COL24A1: variants seen among roughly 807,000 people sequenced by gnomAD.
The protein encoded by COL24A1 is collagen type XXIV alpha 1 chain.
Under a neutral mutation model 253.9 loss-of-function variants are expected in COL24A1, and 224 were observed. The observed-to-expected ratio is 0.88, with a 90% CI of 0.79 to 0.99. The LOEUF is 0.99. COL24A1 is among the 50% of genes least tolerant of loss of function. The pLI is 0.00. For missense variants in COL24A1, 2,131 were observed against 2,068.5 expected (o/e 1.03, Z -0.59); for synonymous variants, 685 against 673.7 (o/e 1.02, Z -0.26).
rs539571394 is a variant in COL24A1 at position 85,876,048 on chromosome 1, C to T, written c.3031-718G>A. Among the ~76,000 whole-genome samples, 130 of 152,110 alleles carry T rather than the reference C, an allele frequency of 8.5e-4. 1 individual carries two copies. In the South Asian group the frequency reaches 8.7e-3, roughly 10 times the overall value. On this transcript the variant is annotated intron_variant, in intron 33 of 59. Coordinates refer to ENST00000370571, the MANE Select transcript of COL24A1 (RefSeq NM_152890.7). Reference sequence around the variant, plus strand: ...AGAAATTAAATCATGTAAACCATTACTTATCATGTTAAGAAATTGGCATTT... The same window carrying T: ...AGAAATTAAATCATGTAAACCATTATTTATCATGTTAAGAAATTGGCATTT...
chr1:85,990,205 T>TAA (rs1458013392), intron 19 of COL24A1, among the ~76,000 whole-genome samples: 1 of 152,206 alleles, frequency 6.6e-6, no homozygotes, highest in Non-Finnish European at 1.5e-5. Flanking sequence ...TTCAGCCAAT[T>TAA]TAGAGCATTT....
chr1:85,803,453 CAAACA>C (rs570227421), intron 47 of COL24A1, among the ~76,000 whole-genome samples: 2 of 147,096 alleles, frequency 1.4e-5, no homozygotes, highest in African/African-American at 2.5e-5. Flanking sequence ...AAACCATAAA[CAAACA>C]AAACAAAACA....
chr1:85,786,487 A>T (rs376069817), intron 47 of COL24A1, 26 bp from the exon 48 acceptor site: 16 of 1,593,082 alleles, frequency 1.0e-5, no homozygotes, highest in Non-Finnish European at 1.4e-5. Context: ...AAGAAATGAA[A>T]ACTGGGAAAG....
intron 19 of COL24A1, among the ~76,000 whole-genome samples, chr1:85,988,772 A>G (rs1693964895): frequency 6.6e-6 from 1 of 152,142 alleles, no homozygotes; most frequent in South Asian, 2.1e-4. Flanking sequence ...AAGAAAAACA[A>G]ATAATAAGAA....
At chr1:85,829,233 A>G (rs1425847564) in intron 43 of COL24A1, among the ~76,000 whole-genome samples, 1 of 151,806 alleles carries the variant, frequency 6.6e-6, no homozygotes, top group Non-Finnish European at 1.5e-5. Context: ...CTTTTCTTTA[A>G]GAATGTTGAT....
intron 18 of COL24A1, among the ~76,000 whole-genome samples, chr1:86,019,961 T>C (rs1454688533): frequency 6.6e-6 from 1 of 152,006 alleles, no homozygotes; most frequent in African/African-American, 2.4e-5. Context: ...CTAGGAGGAA[T>C]ATTAGTAAGT....
intron 53 of COL24A1, among the ~76,000 whole-genome samples, chr1:85,766,968 G>A (rs1184090561): frequency 6.6e-6 from 1 of 152,180 alleles, no homozygotes; most frequent in East Asian, 1.9e-4. Context: ...GCCGGGTGTG[G>A]TGATGGGCGC....
chr1:86,020,296 G>C (rs928792890), intron 18 of COL24A1, among the ~76,000 whole-genome samples: 2 of 151,956 alleles, frequency 1.3e-5, no homozygotes, highest in Non-Finnish European at 2.9e-5. Context: ...TCGAACTCCT[G>C]ACCTCGTGAT....
At chr1:85,926,901 C>G (rs1283567802) in intron 24 of COL24A1, among the ~76,000 whole-genome samples, 2 of 151,958 alleles carry the variant, frequency 1.3e-5, no homozygotes, top group South Asian at 2.1e-4. Flanking sequence ...ATAAAAGTTT[C>G]AAGAAGAGAG....
chr1:86,001,381 A>G (rs1055662265), intron 19 of COL24A1, among the ~76,000 whole-genome samples: 2 of 152,216 alleles, frequency 1.3e-5, no homozygotes, highest in Non-Finnish European at 2.9e-5. Flanking sequence ...GTCACTAGCA[A>G]GAAATGGTGG....
intron 5 of COL24A1, among the ~76,000 whole-genome samples, chr1:86,099,689 C>T (rs1210081016): frequency 6.6e-6 from 1 of 151,946 alleles, no homozygotes; most frequent in Admixed American, 6.6e-5. Flanking sequence ...AGATTGTGAC[C>T]ACTTCTCACC....
chr1:86,093,783 A>G (rs1703686446), intron 5 of COL24A1, among the ~76,000 whole-genome samples: 2 of 152,252 alleles, frequency 1.3e-5, no homozygotes. Flanking sequence ...AACTTAAACA[A>G]ATTTACCAGA....
intron 24 of COL24A1, among the ~76,000 whole-genome samples, chr1:85,958,563 G>T (rs1221768139): frequency 6.6e-6 from 1 of 152,028 alleles, no homozygotes; most frequent in East Asian, 1.9e-4. Context: ...TAAGGTGTTG[G>T]ATCACTCTAT....
At chr1:85,778,260 C>T (rs976037912) in intron 52 of COL24A1, among the ~76,000 whole-genome samples, 25 of 152,014 alleles carry the variant, frequency 1.6e-4, no homozygotes, top group African/African-American at 5.1e-4. Context: ...TCTGCCACTA[C>T]GCCAGGCTCA....
intron 20 of COL24A1, among the ~76,000 whole-genome samples, chr1:85,972,459 A>T (rs555126837): frequency 8.5e-4 from 129 of 152,300 alleles, no homozygotes; most frequent in African/African-American, 3.0e-3. Context: ...CATTCAAGAA[A>T]CTGTATTACT....
At chr1:85,969,311 A>C (rs1442952334) in intron 22 of COL24A1, among the ~76,000 whole-genome samples, 1 of 152,138 alleles carries the variant, frequency 6.6e-6, no homozygotes, top group Admixed American at 6.6e-5. Flanking sequence ...GCATTTTAAG[A>C]ACCAGTACTT....
chr1:86,089,061 C>G, intron 7 of COL24A1, 113 bp downstream of exon 7: 1 of 731,936 alleles, frequency 1.4e-6, no homozygotes, highest in East Asian at 3.0e-5. Flanking sequence ...TCACTGAAGA[C>G]CTCCAAGATC....
intron 47 of COL24A1, among the ~76,000 whole-genome samples, chr1:85,800,300 T>C (rs1671290675): frequency 6.6e-6 from 1 of 152,188 alleles, no homozygotes; most frequent in African/African-American, 2.4e-5. Flanking sequence ...CATTGAGTGG[T>C]TTGAATATCC....
intron 37 of COL24A1, among the ~76,000 whole-genome samples, chr1:85,866,590 A>G (rs1015811058): frequency 6.6e-6 from 1 of 151,980 alleles, no homozygotes; most frequent in Non-Finnish European, 1.5e-5. Context: ...CCTGACCCAC[A>G]TGGTAAAACC....
Sources: allele counts gnomAD v4.1 joint callset (sites outside exome capture counted in the v4.1 genomes callset), GRCh38; gene constraint gnomAD v4.1.1; transcripts MANE v1.5; gene names NCBI Gene and HGNC (gene_info 2026-07-23, HGNC 2026-07-21).